The following KIAA1217 variants were observed in gnomAD, a reference collection of about 807,000 sequenced individuals.
The protein encoded by KIAA1217 is KIAA1217.
Under a neutral mutation model 163.9 loss-of-function variants are expected in KIAA1217, and 88 were observed. The observed-to-expected ratio is 0.54, with a 90% CI of 0.45 to 0.64. KIAA1217 has a LOEUF of 0.64. KIAA1217 is among the 30% of genes least tolerant of loss of function. The pLI, the probability that KIAA1217 is intolerant of heterozygous loss-of-function variation, is 0.00. For missense variants in KIAA1217, 2,372 were observed against 2,475.0 expected (o/e 0.96, Z 0.88); for synonymous variants, 903 against 923.1 (o/e 0.98, Z 0.39).
chr10:24,538,860 A>C (rs2074544025), intron 17 of KIAA1217, among the ~76,000 whole-genome samples: 1 of 146,800 alleles, frequency 6.8e-6, no homozygotes, highest in African/African-American at 2.5e-5. Flanking sequence ...CAGCCTCTCT[A>C]GTAGCTGGGA....
chr10:24,099,149 TTTTTTA>T (rs1210367065), intron 2 of KIAA1217, among the ~76,000 whole-genome samples: 3 of 152,092 alleles, frequency 2.0e-5, no homozygotes, highest in Admixed American at 6.5e-5. Flanking sequence ...CCTTTTCTTT[TTTTTTA>T]TTTTTATTTT....
intron 13 of KIAA1217, among the ~76,000 whole-genome samples, chr10:24,525,027 C>CCTGTAGG (rs1347875286): frequency 4.0e-5 from 6 of 150,992 alleles, no homozygotes; most frequent in Non-Finnish European, 5.9e-5. Flanking sequence ...GGTGAGACAG[C>CCTGTAGG]AGTGTGCTGG....
At chr10:24,154,506 A>G (rs1266076539) in intron 2 of KIAA1217, among the ~76,000 whole-genome samples, 1 of 152,180 alleles carries the variant, frequency 6.6e-6, no homozygotes, top group East Asian at 1.9e-4. Context: ...ATAAGATAAT[A>G]TAAAAGCACT....
intron 2 of KIAA1217, among the ~76,000 whole-genome samples, chr10:24,288,487 A>G (rs2078773988): frequency 6.6e-6 from 1 of 152,226 alleles, no homozygotes; most frequent in Non-Finnish European, 1.5e-5. Context: ...CGGCCAATAG[A>G]ACTGCAGGTG....
intron 2 of KIAA1217, among the ~76,000 whole-genome samples, chr10:24,373,583 C>A (rs886303447): frequency 1.3e-5 from 2 of 152,136 alleles, no homozygotes; most frequent in Non-Finnish European, 2.9e-5. Flanking sequence ...ACCACAAGGA[C>A]AAGGTAAATT....
intron 2 of KIAA1217, among the ~76,000 whole-genome samples, chr10:24,108,736 G>T (rs1444354909): frequency 6.6e-6 from 1 of 152,110 alleles, no homozygotes; most frequent in East Asian, 1.9e-4. Flanking sequence ...TCTAAATATG[G>T]CCCCTCAATT....
At chr10:24,309,898 T>A (rs561837027) in intron 2 of KIAA1217, among the ~76,000 whole-genome samples, 1 of 152,308 alleles carries the variant, frequency 6.6e-6, no homozygotes, top group East Asian at 1.9e-4. Context: ...ATATAACCTA[T>A]TGTCCTTAAA....
chr10:24,540,112 T>G (rs554154415), intron 17 of KIAA1217, among the ~76,000 whole-genome samples: 2 of 152,362 alleles, frequency 1.3e-5, no homozygotes, highest in East Asian at 3.9e-4. Flanking sequence ...TCTAGCCCAG[T>G]GATAAAAAGT....
chr10:24,364,918 C>T (rs550352421), intron 2 of KIAA1217, among the ~76,000 whole-genome samples: 3 of 152,166 alleles, frequency 2.0e-5, no homozygotes, highest in African/African-American at 4.8e-5. Context: ...CCCCCCTCAG[C>T]CCCCTCGGTA....
intron 2 of KIAA1217, among the ~76,000 whole-genome samples, chr10:24,223,388 C>T (rs766478258): frequency 3.3e-5 from 5 of 152,150 alleles, no homozygotes; most frequent in Non-Finnish European, 4.4e-5. Context: ...CTCTTTTTCT[C>T]CTACCACCCA....
At chr10:24,281,873 C>T (rs186677226) in intron 2 of KIAA1217, among the ~76,000 whole-genome samples, 52 of 152,124 alleles carry the variant, frequency 3.4e-4, no homozygotes, top group African/African-American at 1.2e-3. Context: ...ATGGCTAACA[C>T]GGTGAAATCC....
At chr10:23,901,432 A>C (rs1365949321) in intron 1 of KIAA1217, among the ~76,000 whole-genome samples, 5 of 152,272 alleles carry the variant, frequency 3.3e-5, no homozygotes, top group Admixed American at 2.0e-4. Flanking sequence ...AAATATACTG[A>C]TACAAAGCAA....
At chr10:23,731,640 C>T (rs1290725128) in intron 1 of KIAA1217, among the ~76,000 whole-genome samples, 1 of 152,138 alleles carries the variant, frequency 6.6e-6, no homozygotes, top group African/African-American at 2.4e-5. Flanking sequence ...CCCATCCCAT[C>T]ATTTTTGAGA....
At chr10:24,218,476 C>G (rs1184769206) in intron 1 of KIAA1217, among the ~76,000 whole-genome samples, 1 of 150,408 alleles carries the variant, frequency 6.6e-6, no homozygotes, top group Non-Finnish European at 1.5e-5. Flanking sequence ...CTTTATAACT[C>G]CTCGATTGTT....
intron 2 of KIAA1217, among the ~76,000 whole-genome samples, chr10:24,356,941 T>A (rs2049188062): frequency 6.6e-6 from 1 of 152,206 alleles, no homozygotes; most frequent in Admixed American, 6.5e-5. Context: ...AAAGGTTTAA[T>A]CCAAGTCTTC....
At chr10:24,451,152 A>G (rs2061345275) in intron 5 of KIAA1217, among the ~76,000 whole-genome samples, 1 of 152,190 alleles carries the variant, frequency 6.6e-6, no homozygotes, top group Admixed American at 6.5e-5. Flanking sequence ...TACTACACAG[A>G]CCTTTCCTGC....
At chr10:24,491,529 A>G (rs1239275096) in intron 6 of KIAA1217, among the ~76,000 whole-genome samples, 2 of 152,034 alleles carry the variant, frequency 1.3e-5, no homozygotes, top group African/African-American at 4.8e-5. Flanking sequence ...ACCTCAAGTG[A>G]TCCACCTGCC....
At chr10:24,077,581 T>C (rs1589413046) in intron 2 of KIAA1217, among the ~76,000 whole-genome samples, 1 of 152,200 alleles carries the variant, frequency 6.6e-6, no homozygotes, top group African/African-American at 2.4e-5. Flanking sequence ...CAGTCTACCA[T>C]TGGTGGGCAT....
At chr10:24,059,489 G>C (rs1428045750) in intron 2 of KIAA1217, among the ~76,000 whole-genome samples, 1 of 152,104 alleles carries the variant, frequency 6.6e-6, no homozygotes, top group Non-Finnish European at 1.5e-5. Flanking sequence ...GAATTTACCA[G>C]TGAACCATCT....
Sources: allele counts gnomAD v4.1 joint callset (sites outside exome capture counted in the v4.1 genomes callset), GRCh38; gene constraint gnomAD v4.1.1; transcripts MANE v1.5; gene names NCBI Gene and HGNC (gene_info 2026-07-23, HGNC 2026-07-21).